The following PPP2R5D variants were observed in gnomAD, a reference collection of about 807,000 sequenced individuals.
PPP2R5D encodes the protein protein phosphatase 2 regulatory subunit B'delta, also known as serine/threonine-protein phosphatase 2A 56 kDa regulatory subunit delta isoform.
PPP2R5D carries 12 observed loss-of-function variants against 79.1 expected under a neutral mutation model. That is an observed-to-expected ratio of 0.15 (90% confidence interval 0.10 to 0.25). The LOEUF (loss-of-function observed/expected upper bound fraction) is 0.25, where lower values mean the gene tolerates loss of function less well. PPP2R5D is among the 10% of genes least tolerant of loss of function. PPP2R5D has a pLI of 1.00. For missense variants in PPP2R5D, 419 were observed against 760.2 expected (o/e 0.55, Z 5.28); for synonymous variants, 277 against 286.6 (o/e 0.97, Z 0.34).
In PPP2R5D at chr6:43,007,731, C is replaced by G. The variant is rs1762166239; in HGVS notation, c.727-204C>G. ...CAAAAAAGCAACAGAGTACCTCTCT[C>G]AGGTCAATAGTGAGGCATCACTTTG... is the stretch of plus-strand genomic sequence containing the variant. On this transcript the variant is annotated intron_variant, in intron 6 of 15. Coordinates refer to ENST00000485511, the MANE Select transcript of PPP2R5D (RefSeq NM_006245.4). This position sits in a 1 kb window ranked among gnomAD's most constrained non-coding sequence, Gnocchi z 4.5. Among the ~76,000 whole-genome samples the G allele has an allele frequency of 6.6e-6, 1 of 152,210 alleles. No homozygotes were observed. Among genetic ancestry groups the G allele is most frequent in the Non-Finnish European group, 1.5e-5 (1 of 68,038 alleles).
chr6:42,986,125 C>T (rs933854768), intron 1 of PPP2R5D, among the ~76,000 whole-genome samples: 6 of 152,186 alleles, frequency 3.9e-5, no homozygotes, highest in South Asian at 4.1e-4. Flanking sequence ...TCATCTACCT[C>T]GGTGCTGCCT....
chr6:42,990,699 C>CT (rs70990164), intron 2 of PPP2R5D, among the ~76,000 whole-genome samples: 635 of 51,594 alleles, frequency 0.012, 174 homozygotes, highest in African/African-American at 0.04. Flanking sequence ...CAGTATTCTA[C>CT]TTTTTTTTTT....
chr6:42,989,461 C>A, intron 1 of PPP2R5D, 150 bp from the exon 2 acceptor site: 1 of 654,720 alleles, frequency 1.5e-6, no homozygotes. Context: ...TGCGTAGATC[C>A]CTCCACCCAC....
chr6:42,986,973 G>A (rs1030984545), intron 1 of PPP2R5D, among the ~76,000 whole-genome samples: 2 of 152,148 alleles, frequency 1.3e-5, no homozygotes, highest in Admixed American at 1.3e-4. Context: ...AAGGGGCAGG[G>A]GGGTTGCCAG....
Position 43,012,258 on chromosome 6 carries a change from CCA to C in PPP2R5D, c.*975_*976del. 7.6e-7 allele frequency: 1 copy of C among 1,318,282 alleles called. No individual in the cohort carries two copies. The highest frequency in any genetic ancestry group is 9.7e-7 in the Non-Finnish European group (1 of 1,032,854). The allele number at this position is 1,318,282 out of a possible 1,614,324, so 81.7% of individuals were successfully genotyped here. On this transcript the variant is annotated 3_prime_UTR_variant, in exon 16 of 16. Transcript: ENST00000485511. ...CTGTGTACATAGGGTGCTTTATTCT[CCA>C]CAGAGTGATACATGCTAAGGTGGGT...
At position 43,009,518 on chromosome 6, in the gene PPP2R5D, A is replaced by G; in HGVS notation, c.1379+69A>G. 2 of 1,601,356 alleles carry G rather than the reference A, an allele frequency of 1.2e-6. No individual in the cohort carries two copies. The highest frequency in any genetic ancestry group is 1.7e-5 in the Admixed American group (1 of 59,654). ...GAAACTTTGAGGGTATGGAAGAACT[A>G]AAGAGCCAGGGGTCTCACCTAGTCA... On this transcript the variant is annotated intron_variant, in intron 12 of 15. Coordinates refer to ENST00000485511, the MANE Select transcript of PPP2R5D (RefSeq NM_006245.4). This position sits in a 1 kb window ranked among gnomAD's most constrained non-coding sequence, Gnocchi z 5.6.
intron 2 of PPP2R5D, among the ~76,000 whole-genome samples, chr6:43,005,267 CTTTT>C (rs1043538726): frequency 9.0e-5 from 13 of 144,616 alleles, no homozygotes; most frequent in African/African-American, 3.3e-4. Context: ...GAATTTCTTT[CTTTT>C]ACCTTTTTAA....
Position 43,007,516 on chromosome 6 carries a change from C to T in PPP2R5D, c.726+10C>T, listed in dbSNP as rs562902140. 1.0e-5 allele frequency: 16 copies of T among 1,593,304 alleles called. No homozygotes were observed. Among genetic ancestry groups the T allele is most frequent in the African/African-American group, 5.4e-5 (4 of 74,546 alleles). On this transcript the variant is annotated intron_variant, in intron 6 of 15. Coordinates refer to ENST00000485511, the MANE Select transcript of PPP2R5D (RefSeq NM_006245.4). The surrounding 1 kb of genome is among the most constrained non-coding windows in gnomAD (Gnocchi z 4.5). ...GAAGTTTGTACTTGCTGTGAGTCCC[C>T]GAGTTCCTGTCCTTGCCCTCTCTTT...
At chr6:42,997,800 C>T (rs1050228032) in intron 2 of PPP2R5D, among the ~76,000 whole-genome samples, 2 of 151,404 alleles carry the variant, frequency 1.3e-5, no homozygotes, top group Non-Finnish European at 2.9e-5. Flanking sequence ...CCCACCTCAG[C>T]CTCCCAAACT....
Position 43,007,922 on chromosome 6 carries a change from C to G in PPP2R5D, c.727-13C>G, listed in dbSNP as rs768834646. On this transcript the variant is annotated splice_polypyrimidine_tract_variant and intron_variant, in intron 6 of 15. Coordinates refer to ENST00000485511, the MANE Select transcript of PPP2R5D (RefSeq NM_006245.4). This position sits in a 1 kb window ranked among gnomAD's most constrained non-coding sequence, Gnocchi z 4.5. ...CTGCCTCACTGGCTGCTTTCCCTCC[C>G]TTGTACCCCCAGCTCCTAGACCTAT... 2 of 1,613,862 alleles carry G rather than the reference C, an allele frequency of 1.2e-6. No homozygotes were observed. The highest frequency in any genetic ancestry group is 2.2e-5 in the South Asian group (2 of 91,066).
At chr6:42,999,692 A>T (rs1772040422) in intron 2 of PPP2R5D, among the ~76,000 whole-genome samples, 1 of 151,452 alleles carries the variant, frequency 6.6e-6, no homozygotes, top group African/African-American at 2.4e-5. Context: ...CAGCCTCCTG[A>T]GTAGCTCGGA....
chr6:43,000,022 G>A (rs569263799), intron 2 of PPP2R5D, among the ~76,000 whole-genome samples: 32 of 151,912 alleles, frequency 2.1e-4, no homozygotes, highest in African/African-American at 7.2e-4. Context: ...TGCAACCTCC[G>A]CCTCCCAGGT....
chr6:43,005,913 C>T (rs1241526001), intron 2 of PPP2R5D, among the ~76,000 whole-genome samples: 2 of 152,140 alleles, frequency 1.3e-5, no homozygotes, highest in Admixed American at 6.6e-5. Context: ...TGAGCCACTG[C>T]GCCCGGCCTC....
At chr6:42,988,695 C>G (rs1415497072) in intron 1 of PPP2R5D, among the ~76,000 whole-genome samples, 1 of 152,206 alleles carries the variant, frequency 6.6e-6, no homozygotes, top group African/African-American at 2.4e-5. Context: ...TGGCCCCTCC[C>G]AAGCCTGATG....
chr6:43,005,779 G>A (rs1313703915), intron 2 of PPP2R5D, among the ~76,000 whole-genome samples: 1 of 151,972 alleles, frequency 6.6e-6, no homozygotes, highest in Non-Finnish European at 1.5e-5. Context: ...CTGCCACCAC[G>A]CCTGGCTAAT....
Position 43,006,718 on chromosome 6 carries a change from C to G in PPP2R5D, c.322+39C>G, listed in dbSNP as rs992445100. On this transcript the variant is annotated intron_variant, in intron 3 of 15. Transcript: ENST00000485511. The surrounding 1 kb of genome is among the most constrained non-coding windows in gnomAD (Gnocchi z 4.7). ...GGTCACAGGGGCTGTTTTACCAGTT[C>G]TAGTGGGCATCGGGAGTTGGTGGAA... 2 of 1,601,874 alleles carry G rather than the reference C, an allele frequency of 1.2e-6. No individual in the cohort carries two copies. The highest frequency in any genetic ancestry group is 2.2e-5 in the South Asian group (2 of 90,058).
intron 2 of PPP2R5D, among the ~76,000 whole-genome samples, chr6:42,999,912 G>A (rs935362477): frequency 1.3e-5 from 2 of 151,668 alleles, no homozygotes; most frequent in Admixed American, 6.6e-5. Flanking sequence ...CGGAATAATC[G>A]TTGGGAAACC....
intron 2 of PPP2R5D, among the ~76,000 whole-genome samples, chr6:42,997,156 C>T (rs775360136): frequency 3.8e-4 from 57 of 150,696 alleles, no homozygotes; most frequent in Non-Finnish European, 6.6e-4. Flanking sequence ...CTACCACGCC[C>T]GGCTAAATTT....
rs1762377569 is a variant in PPP2R5D, at chr6:43,012,072, G to A, written c.*786G>A. The stretch of plus-strand genomic sequence containing the variant: ...CCCAAAACTAGAAAGAAGGAAGCAG[G>A]GAGCGGTGCCCCAAGCATGGCTCCT... On this transcript the variant is annotated 3_prime_UTR_variant, in exon 16 of 16. Transcript: ENST00000485511. 3 of 407,534 alleles carry A rather than the reference G, an allele frequency of 7.4e-6. No individual in the cohort carries two copies. Among genetic ancestry groups the A allele is most frequent in the African/African-American group, 6.5e-5 (3 of 46,222 alleles). The allele number at this position is 407,534 out of a possible 1,614,324, so 25.2% of individuals were successfully genotyped here. A position where few individuals can be genotyped will look rare whatever the true frequency, so the allele number is the denominator to read the frequency against.
Sources: allele counts gnomAD v4.1 joint callset (sites outside exome capture counted in the v4.1 genomes callset), GRCh38; gene constraint gnomAD v4.1.1; non-coding constraint Gnocchi (gnomAD v3.1); transcripts MANE v1.5; gene names NCBI Gene and HGNC (gene_info 2026-07-23, HGNC 2026-07-21).